PLEKHG7: variants seen among roughly 807,000 people sequenced by gnomAD.
PLEKHG7 encodes pleckstrin homology and RhoGEF domain containing G7.
A neutral mutation model predicts 85.2 loss-of-function variants in PLEKHG7; 77 were observed. The ratio of observed to expected loss-of-function variants is 0.90; its 90% CI spans 0.75 to 1.09. The LOEUF is 1.09. PLEKHG7 is among the 50% of genes least tolerant of loss of function. The pLI, the probability that PLEKHG7 is intolerant of heterozygous loss-of-function variation, is 0.00. For synonymous variants in PLEKHG7, 301 were observed against 302.4 expected, an observed-to-expected ratio of 1.00 and a Z score of 0.05; for missense variants, 777 against 804.3, an observed-to-expected ratio of 0.97 and a Z score of 0.41.
At chr12:92,750,356 TATA>T (rs1266186401) in intron 10 of PLEKHG7, among the ~76,000 whole-genome samples, 1 of 152,242 alleles carries the variant, frequency 6.6e-6, no homozygotes, top group Non-Finnish European at 1.5e-5. Flanking sequence ...GCTTTACTTT[TATA>T]ATGTCAAGCC....
chr12:92,721,701 C>CA (rs1871647957), intron 3 of PLEKHG7, among the ~76,000 whole-genome samples: 9 of 9,428 alleles, frequency 9.5e-4, no homozygotes, highest in Admixed American at 3.5e-3. Context: ...AAGCATAAAA[C>CA]CAAAAAAAAA....
chr12:92,748,484 G>A (rs1592684073), intron 10 of PLEKHG7, among the ~76,000 whole-genome samples: 1 of 151,556 alleles, frequency 6.6e-6, no homozygotes, highest in East Asian at 1.9e-4. Flanking sequence ...CTAACCTCAA[G>A]TGATCCACCT....
rs934032872 is a variant in PLEKHG7, at chr12:92,755,965, C to T, written c.1542+25C>T. On this transcript the variant is annotated intron_variant, in intron 12 of 16. Coordinates refer to ENST00000344636, the MANE Select transcript of PLEKHG7 (RefSeq NM_001377329.1). ...GGTACAAAAAAAAAATCAATTAGGA[C>T]TTATGTCCATTTCTGGAATTTGGGC... The T allele has an allele frequency of 4.7e-6, 7 of 1,489,478 alleles. No individual in the cohort carries two copies. In the South Asian group the frequency reaches 7.1e-5, roughly 15 times the overall value. 92.3% of individuals were successfully genotyped at this position (1,489,478 alleles called of 1,614,324 possible).
Position 92,772,040 on chromosome 12 carries a change from G to A in PLEKHG7, c.*1845G>A, listed in dbSNP as rs1463838012. The A allele has an allele frequency of 6.6e-6, 1 of 151,816 alleles. No individual in the cohort carries two copies. Among genetic ancestry groups the A allele is most frequent in the Non-Finnish European group, 1.5e-5 (1 of 67,862 alleles). The allele number at this position is 151,816 out of a possible 1,614,324, so 9.4% of individuals were successfully genotyped here. On this transcript the variant is annotated 3_prime_UTR_variant, in exon 17 of 17. Transcript: ENST00000344636. ...TTAGAATGAAGCACATTCGAATGAA[G>A]GGATCACGGGGGTCAGAACAAAAAC...
chr12:92,707,185 G>T, intron 2 of PLEKHG7, 47 bp downstream of exon 2: 1 of 1,565,866 alleles, frequency 6.4e-7, no homozygotes, highest in Non-Finnish European at 8.6e-7. Context: ...GAACCACAAA[G>T]CAAAATAGAT....
chr12:92,721,369 ATTG>A, intron 3 of PLEKHG7: 1 of 997,760 alleles, frequency 1.0e-6, no homozygotes, highest in Non-Finnish European at 1.3e-6. Flanking sequence ...GATGCTCTGA[ATTG>A]TTGCTTTCTC....
At chr12:92,762,002 GTAAATAAATAAA>G (rs61049024) in intron 14 of PLEKHG7, among the ~76,000 whole-genome samples, 171 bp downstream of exon 14, 2 of 151,726 alleles carry the variant, frequency 1.3e-5, no homozygotes, top group Non-Finnish European at 2.9e-5. Flanking sequence ...AAGCTCTGAA[GTAAATAAATAAA>G]TAAATAAATA....
chr12:92,722,739 A>G (rs1288186420), intron 3 of PLEKHG7, among the ~76,000 whole-genome samples: 1 of 152,234 alleles, frequency 6.6e-6, no homozygotes, highest in African/African-American at 2.4e-5. Context: ...GTATATACAT[A>G]CAATTATTCA....
intron 3 of PLEKHG7, among the ~76,000 whole-genome samples, chr12:92,727,214 G>A (rs1871841920): frequency 6.6e-6 from 1 of 152,174 alleles, no homozygotes; most frequent in Non-Finnish European, 1.5e-5. Flanking sequence ...GAGGTGGTCT[G>A]AACCATGAAC....
chr12:92,770,064 G>A (rs368176506), intron 16 of PLEKHG7, 24 bp from the exon 17 acceptor site: 2 of 1,418,332 alleles, frequency 1.4e-6, no homozygotes, highest in African/African-American at 1.4e-5. Context: ...CTCTATTTAT[G>A]TATTTTTTTC....
intron 3 of PLEKHG7, among the ~76,000 whole-genome samples, chr12:92,720,800 G>A (rs1871618532): frequency 6.6e-6 from 1 of 152,106 alleles, no homozygotes; most frequent in Non-Finnish European, 1.5e-5. Flanking sequence ...ACTTTTGGGG[G>A]GGCCACCATT....
In PLEKHG7 at chr12:92,741,522, GCAT is replaced by G; in HGVS notation, c.1073_1075del (p.Ile358del). 1.2e-6 allele frequency: 2 copies of G among 1,612,350 alleles called. No homozygotes were observed. The highest frequency in any genetic ancestry group is 1.7e-6 in the Non-Finnish European group (2 of 1,179,340). On this transcript the variant is annotated inframe_deletion, in exon 9 of 17. Coordinates refer to ENST00000344636, the MANE Select transcript of PLEKHG7 (RefSeq NM_001377329.1). ...CTTGGTTTTGTGAACAGTCTCTTTG[GCAT>G]CATCAAGGACTATGTAGACGCTTCT...
intron 7 of PLEKHG7, among the ~76,000 whole-genome samples, chr12:92,739,152 C>T (rs185370526): frequency 8.5e-5 from 13 of 152,358 alleles, no homozygotes; most frequent in African/African-American, 2.9e-4. Context: ...AGCCTGGTTG[C>T]TATCCTTGAG....
rs755290285 is a variant in PLEKHG7 at position 92,756,354 on chromosome 12, C to G, written c.1599C>G (p.Ser533Arg). 1 of 1,613,252 alleles carries G rather than the reference C, an allele frequency of 6.2e-7. No homozygotes were observed. The highest frequency in any genetic ancestry group is 1.1e-5 in the South Asian group (1 of 91,038). Residue 533 changes from serine (S) to arginine (R), a missense_variant, in exon 13 of 17, where the codon AGC becomes AGG. Coordinates refer to ENST00000344636, the MANE Select transcript of PLEKHG7 (RefSeq NM_001377329.1). ...HMAENILSPT[S>R]RHLLYEGKLT... ...CAGAAAACATCTTGTCACCAACCAG[C>G]AGACACCTTCTCTATGAAGGAAAAT...
intron 1 of PLEKHG7, among the ~76,000 whole-genome samples, chr12:92,704,183 G>A (rs1186578595): frequency 2.0e-5 from 3 of 151,982 alleles, no homozygotes; most frequent in African/African-American, 7.3e-5. Context: ...GATTCTGTGA[G>A]GCTAGGAGTT....
chr12:92,756,237 T>TA, intron 12 of PLEKHG7, 61 bp from the exon 13 acceptor site: 1 of 1,316,660 alleles, frequency 7.6e-7, no homozygotes, highest in South Asian at 1.2e-5. Context: ...CCCAGCTTTT[T>TA]AAACATGTTC....
rs563918136 is a variant in PLEKHG7 at position 92,753,896 on chromosome 12, A to G, written c.1252-194A>G. On this transcript the variant is annotated intron_variant, in intron 10 of 16. Coordinates refer to ENST00000344636, the MANE Select transcript of PLEKHG7 (RefSeq NM_001377329.1). ...AAGGCTGGAACCCACCTATTACTAC[A>G]TCTTATCACTACTGCTAATGGAACA... Among the ~76,000 whole-genome samples, 48 of 152,340 alleles carry G rather than the reference A, an allele frequency of 3.2e-4. No individual in the cohort carries two copies. The South Asian group carries it at 6.0e-3, about 19-fold the overall frequency.
chr12:92,717,567 C>T (rs923768898), intron 3 of PLEKHG7, among the ~76,000 whole-genome samples: 3 of 152,228 alleles, frequency 2.0e-5, no homozygotes, highest in Admixed American at 1.3e-4. Context: ...CAATGGGCCT[C>T]ATATACAATA....
intron 5 of PLEKHG7, among the ~76,000 whole-genome samples, chr12:92,732,950 A>G (rs1212069204): frequency 2.0e-5 from 3 of 152,134 alleles, no homozygotes. Context: ...TACTAGTTGC[A>G]TTACTTACAC....
Sources: gnomAD v4.1 joint callset for allele counts (sites outside exome capture counted in the v4.1 genomes callset) on GRCh38, gnomAD v4.1.1 for gene constraint, MANE v1.5 for transcripts, NCBI Gene and HGNC (gene_info 2026-07-23, HGNC 2026-07-21) for gene names.